The following ROBO2 variants were observed in gnomAD, a reference collection of about 807,000 sequenced individuals.
The protein encoded by ROBO2 is roundabout guidance receptor 2.
In ROBO2, 53 loss-of-function variants were observed where a neutral mutation model predicts 160.8. The ratio of observed to expected loss-of-function variants is 0.33; its 90% CI spans 0.26 to 0.41. ROBO2 has a LOEUF of 0.41. Ranked by LOEUF, ROBO2 falls within the 10% of genes least tolerant of loss-of-function variation. The pLI is 1.00. For missense variants in ROBO2, 1,577 were observed against 1,722.4 expected (o/e 0.92, Z 1.49); for synonymous variants, 664 against 611.7 (o/e 1.09, Z -1.26).
At chr3:77,548,809 A>G (rs936164659) in intron 7 of ROBO2, among the ~76,000 whole-genome samples, 2 of 151,856 alleles carry the variant, frequency 1.3e-5, no homozygotes, top group African/African-American at 4.8e-5. Flanking sequence ...AGAGAGAGAG[A>G]GAGAAAGAGA....
chr3:76,303,658 T>C (rs544158638), intron 2 of ROBO2, among the ~76,000 whole-genome samples: 1 of 152,310 alleles, frequency 6.6e-6, no homozygotes, highest in South Asian at 2.1e-4. Flanking sequence ...AGTTAAATGT[T>C]TAAAAGCATA....
intron 5 of ROBO2, among the ~76,000 whole-genome samples, chr3:77,503,570 A>C (rs2087983788): frequency 6.6e-6 from 1 of 150,944 alleles, no homozygotes; most frequent in South Asian, 2.1e-4. Flanking sequence ...TAAAATAATA[A>C]TAAGGCTATT....
chr3:76,390,185 T>TC (rs1307011670), intron 2 of ROBO2, among the ~76,000 whole-genome samples: 1 of 151,746 alleles, frequency 6.6e-6, no homozygotes, highest in Non-Finnish European at 1.5e-5. Context: ...CCCCACACCC[T>TC]CCCCCACAAA....
At chr3:76,294,170 G>T (rs1181085445) in intron 2 of ROBO2, among the ~76,000 whole-genome samples, 1 of 152,162 alleles carries the variant, frequency 6.6e-6, no homozygotes, top group African/African-American at 2.4e-5. Context: ...CCAGGCAGTG[G>T]GAGCAGTTAT....
At chr3:77,390,415 T>C (rs1358144392) in intron 2 of ROBO2, among the ~76,000 whole-genome samples, 2 of 152,118 alleles carry the variant, frequency 1.3e-5, no homozygotes, top group African/African-American at 4.8e-5. Flanking sequence ...AGAAGGTAAT[T>C]GAATCACGGG....
chr3:76,346,657 A>ACATT (rs1477744861), intron 2 of ROBO2, among the ~76,000 whole-genome samples: 1 of 152,142 alleles, frequency 6.6e-6, no homozygotes, highest in Admixed American at 6.5e-5. Context: ...TCACAGACAC[A>ACATT]CATTCATTCA....
intron 2 of ROBO2, among the ~76,000 whole-genome samples, chr3:77,111,609 T>C (rs1375676619): frequency 6.6e-6 from 1 of 152,236 alleles, no homozygotes; most frequent in Non-Finnish European, 1.5e-5. Context: ...CATGAATTTA[T>C]CTTCATATCT....
rs1491452691 is a variant in ROBO2, at chr3:77,099,072, T to TTTC, written c.388+734_388+735insCTT. On this transcript the variant is annotated intron_variant, in intron 2 of 25. Coordinates refer to ENST00000461745, the Ensembl canonical transcript of ROBO2. ...ACAAAATTGTACTTTTCTTTCTTTCTTTTTTTTTTTTTTTTTTGAGACAGT... is the reference window on the plus strand; with the variant it reads ...ACAAAATTGTACTTTTCTTTCTTTCTTTCTTTTTTTTTTTTTTTTTGAGACAGT... 7.4e-4 allele frequency among the ~76,000 whole-genome samples: 19 copies of TTTC among 25,592 alleles called. No homozygotes were observed. The East Asian group carries it at 0.045, about 61-fold the overall frequency. The allele number at this position is 25,592 out of a possible 152,430, so 16.8% of individuals were successfully genotyped here. A position where few individuals can be genotyped will look rare whatever the true frequency, so the allele number is the denominator to read the frequency against.
At chr3:77,492,624 A>G (rs1274304480) in intron 4 of ROBO2, among the ~76,000 whole-genome samples, 2 of 152,176 alleles carry the variant, frequency 1.3e-5, no homozygotes, top group African/African-American at 2.4e-5. Context: ...TGATAAATAA[A>G]TAGTTTGCAA....
chr3:76,727,261 C>A (rs1429931737), intron 2 of ROBO2, among the ~76,000 whole-genome samples: 4 of 151,878 alleles, frequency 2.6e-5, no homozygotes, highest in African/African-American at 9.7e-5. Flanking sequence ...CTTGAGGACA[C>A]CAGTTAGTTC....
At chr3:76,731,598 G>T (rs947785228) in intron 2 of ROBO2, among the ~76,000 whole-genome samples, 1 of 151,946 alleles carries the variant, frequency 6.6e-6, no homozygotes, top group African/African-American at 2.4e-5. Context: ...TTTCCTATTG[G>T]ACAGAATAGT....
exon 26 of ROBO2, chr3:77,648,861 C>G (rs988173136): frequency 6.6e-6 from 1 of 152,088 alleles, no homozygotes; most frequent in Non-Finnish European, 1.5e-5. Context: ...TAAATGGAGG[C>G]CTGCATAAGG....
At chr3:77,576,740 A>G (rs1163281010) in intron 14 of ROBO2, among the ~76,000 whole-genome samples, 1 of 152,150 alleles carries the variant, frequency 6.6e-6, no homozygotes, top group Non-Finnish European at 1.5e-5. Flanking sequence ...CCCAACATGA[A>G]CTGTTTTCAT....
intron 2 of ROBO2, among the ~76,000 whole-genome samples, chr3:77,129,830 T>C (rs1273827575): frequency 1.3e-5 from 2 of 152,238 alleles, no homozygotes; most frequent in South Asian, 2.1e-4. Context: ...AGAGTGACCA[T>C]GACCCTTTTT....
At chr3:76,868,679 C>A (rs2148662101) in intron 2 of ROBO2, among the ~76,000 whole-genome samples, 1 of 151,924 alleles carries the variant, frequency 6.6e-6, no homozygotes, top group African/African-American at 2.4e-5. Context: ...TTAACAATAA[C>A]ACAACAGGAA....
chr3:77,555,619 T>C (rs1326226577), intron 8 of ROBO2, among the ~76,000 whole-genome samples: 1 of 151,976 alleles, frequency 6.6e-6, no homozygotes, highest in East Asian at 1.9e-4. Flanking sequence ...TAGGAAATTG[T>C]AATCAGCATT....
At chr3:76,181,442 CTT>C (rs1701498822) in intron 2 of ROBO2, among the ~76,000 whole-genome samples, 1 of 152,014 alleles carries the variant, frequency 6.6e-6, no homozygotes, top group Non-Finnish European at 1.5e-5. Context: ...TAAAATAAGA[CTT>C]TTGGTATGAT....
At chr3:77,094,985 T>C (rs1407954364) in intron 1 of ROBO2, among the ~76,000 whole-genome samples, 2 of 152,144 alleles carry the variant, frequency 1.3e-5, no homozygotes, top group African/African-American at 2.4e-5. Context: ...ATTCTGTGGG[T>C]AGTATTCTTT....
chr3:77,174,104 T>C (rs2079901558), intron 2 of ROBO2, among the ~76,000 whole-genome samples: 1 of 152,096 alleles, frequency 6.6e-6, no homozygotes, highest in East Asian at 1.9e-4. Flanking sequence ...TTTCTTCCCA[T>C]GAGTACAATT....
Sources: gnomAD v4.1 joint callset for allele counts (sites outside exome capture counted in the v4.1 genomes callset) on GRCh38, gnomAD v4.1.1 for gene constraint, MANE v1.5 for transcripts, NCBI Gene and HGNC (gene_info 2026-07-23, HGNC 2026-07-21) for gene names.